EVI5: variants seen among roughly 807,000 people sequenced by gnomAD.
EVI5 encodes ecotropic viral integration site 5 protein homolog.
A neutral mutation model predicts 112.0 loss-of-function variants in EVI5; 73 were observed. That is an observed-to-expected ratio of 0.65 (90% CI 0.54 to 0.79). EVI5 has a LOEUF of 0.79. EVI5 is among the 30% of genes least tolerant of loss of function. The pLI is 0.00. For synonymous variants in EVI5, 305 were observed against 319.9 expected (o/e 0.95, Z 0.50); for missense variants, 900 against 968.8 (o/e 0.93, Z 0.94).
chr1:92,637,628 C>G (rs1198247202), intron 13 of EVI5, among the ~76,000 whole-genome samples: 4 of 152,112 alleles, frequency 2.6e-5, no homozygotes, highest in Admixed American at 2.6e-4. Flanking sequence ...TTGTCTATCA[C>G]TTCACATTTA....
At chr1:92,549,626 T>G (rs1666434560) in intron 19 of EVI5, among the ~76,000 whole-genome samples, 1 of 152,010 alleles carries the variant, frequency 6.6e-6, no homozygotes, top group Non-Finnish European at 1.5e-5. Flanking sequence ...ATCCAGAATC[T>G]ACAAAGAACT....
intron 19 of EVI5, among the ~76,000 whole-genome samples, chr1:92,530,696 G>C (rs772554310): frequency 6.6e-6 from 1 of 151,966 alleles, no homozygotes. Context: ...CAGCAGAGAG[G>C]CCTGTCAGAA....
intron 19 of EVI5, 144 bp from the exon 20 acceptor site, chr1:92,514,114 CT>C: frequency 2.4e-6 from 1 of 424,224 alleles, no homozygotes; most frequent in East Asian, 3.6e-5. Flanking sequence ...TTTTGAGTGC[CT>C]TCTATGTGTT....
At chr1:92,566,766 T>C (rs1669547675) in intron 18 of EVI5, among the ~76,000 whole-genome samples, 1 of 151,450 alleles carries the variant, frequency 6.6e-6, no homozygotes, top group African/African-American at 2.4e-5. Flanking sequence ...CCTGATGATC[T>C]TGACCCTATG....
At chr1:92,532,309 G>T (rs1663002406) in intron 19 of EVI5, among the ~76,000 whole-genome samples, 1 of 152,112 alleles carries the variant, frequency 6.6e-6, no homozygotes, top group African/African-American at 2.4e-5. Flanking sequence ...CCTACAAAGA[G>T]ACTTAGACTC....
chr1:92,523,220 A>T (rs901290781), intron 19 of EVI5, among the ~76,000 whole-genome samples: 9 of 152,158 alleles, frequency 5.9e-5, no homozygotes, highest in Non-Finnish European at 8.8e-5. Context: ...ATATTTTTTT[A>T]AAAATACAGT....
chr1:92,742,049 A>T (rs1319562830), intron 1 of EVI5, among the ~76,000 whole-genome samples: 1 of 152,206 alleles, frequency 6.6e-6, no homozygotes, highest in African/African-American at 2.4e-5. Context: ...AATATTTGCA[A>T]ATCATATAGC....
intron 18 of EVI5, among the ~76,000 whole-genome samples, chr1:92,566,065 T>C (rs990688940): frequency 6.6e-6 from 1 of 150,834 alleles, no homozygotes; most frequent in Non-Finnish European, 1.5e-5. Context: ...CCTACCCAAA[T>C]TGTATCTCTA....
At chr1:92,658,808 T>A (rs1413972345) in intron 13 of EVI5, among the ~76,000 whole-genome samples, 9 of 152,060 alleles carry the variant, frequency 5.9e-5, no homozygotes, top group Admixed American at 3.9e-4. Flanking sequence ...ACTGGAGATA[T>A]TGCATTACTT....
intron 19 of EVI5, among the ~76,000 whole-genome samples, chr1:92,539,197 G>A (rs920122074): frequency 5.9e-5 from 9 of 152,106 alleles, no homozygotes; most frequent in Non-Finnish European, 1.2e-4. Context: ...GATAATTGAG[G>A]GATGGAGGAA....
chr1:92,582,314 T>A (rs1672071435), intron 18 of EVI5, among the ~76,000 whole-genome samples: 1 of 152,110 alleles, frequency 6.6e-6, no homozygotes, highest in South Asian at 2.1e-4. Context: ...GGTGTGAGAG[T>A]TAATTTTTAA....
intron 2 of EVI5, among the ~76,000 whole-genome samples, chr1:92,718,836 G>C (rs978076589): frequency 6.6e-6 from 1 of 151,926 alleles, no homozygotes; most frequent in African/African-American, 2.4e-5. Flanking sequence ...GAATCAAATA[G>C]ACATAATAAA....
At chr1:92,604,680 G>A (rs1191484020) in intron 18 of EVI5, among the ~76,000 whole-genome samples, 1 of 152,200 alleles carries the variant, frequency 6.6e-6, no homozygotes, top group Admixed American at 6.5e-5. Flanking sequence ...TTATTATCAA[G>A]TATTATGTGC....
intron 18 of EVI5, among the ~76,000 whole-genome samples, chr1:92,591,301 TA>T (rs1232000544): frequency 3.3e-5 from 5 of 152,138 alleles, no homozygotes; most frequent in African/African-American, 9.7e-5. Flanking sequence ...ATGCTCCAAT[TA>T]AAAGACACAG....
intron 14 of EVI5, among the ~76,000 whole-genome samples, chr1:92,633,662 G>T (rs879210171): frequency 2.0e-5 from 3 of 152,156 alleles, no homozygotes; most frequent in Non-Finnish European, 2.9e-5. Flanking sequence ...GGAGCATTTA[G>T]CCCCTTTACA....
intron 9 of EVI5, among the ~76,000 whole-genome samples, chr1:92,683,819 A>T (rs1044357800): frequency 2.0e-5 from 3 of 152,226 alleles, no homozygotes; most frequent in Non-Finnish European, 4.4e-5. Context: ...AGATGAAATT[A>T]ATGAAATAAA....
At chr1:92,755,053 G>A (rs1450545718) in intron 1 of EVI5, among the ~76,000 whole-genome samples, 1 of 147,878 alleles carries the variant, frequency 6.8e-6, no homozygotes, top group Non-Finnish European at 1.5e-5. Context: ...CTTAAGGTGG[G>A]TGATGTGAAC....
chr1:92,582,956 A>C (rs1217649702), intron 18 of EVI5, among the ~76,000 whole-genome samples: 1 of 152,200 alleles, frequency 6.6e-6, no homozygotes, highest in African/African-American at 2.4e-5. Flanking sequence ...AATGCATTTA[A>C]GTACATATGC....
intron 9 of EVI5, among the ~76,000 whole-genome samples, chr1:92,682,645 G>C (rs1293194645): frequency 6.6e-6 from 1 of 152,100 alleles, no homozygotes; most frequent in Non-Finnish European, 1.5e-5. Flanking sequence ...TGCGCCTCTA[G>C]TCCCAGCTAC....
Sources: allele counts gnomAD v4.1 joint callset (sites outside exome capture counted in the v4.1 genomes callset), GRCh38; gene constraint gnomAD v4.1.1; transcripts MANE v1.5; gene names NCBI Gene and HGNC (gene_info 2026-07-23, HGNC 2026-07-21).